ACO1: variants seen among roughly 807,000 people sequenced by gnomAD.
The protein encoded by ACO1 is aconitase 1.
In ACO1, 78 loss-of-function variants were observed where a neutral mutation model predicts 105.1. The ratio of observed to expected loss-of-function variants is 0.74; its 90% CI spans 0.62 to 0.90. The LOEUF (loss-of-function observed/expected upper bound fraction) is 0.90, where lower values mean the gene tolerates loss of function less well. ACO1 is among the 40% of genes least tolerant of loss of function. The probability of loss-of-function intolerance (pLI) is 0.00; values close to 1 mark genes in which losing one functional copy is unlikely to be tolerated. For synonymous variants in ACO1, 364 were observed against 397.4 expected (o/e 0.92, Z 1.00); for missense variants, 965 against 1,111.1 (o/e 0.87, Z 1.87).
At chr9:32,435,121 T>A (rs1009962554) in intron 17 of ACO1, among the ~76,000 whole-genome samples, 1 of 152,186 alleles carries the variant, frequency 6.6e-6, no homozygotes, top group African/African-American at 2.4e-5. Context: ...CATCTGTTTA[T>A]CAGTTCTTCA....
At chr9:32,428,860 G>C (rs1822162088) in intron 12 of ACO1, among the ~76,000 whole-genome samples, 1 of 151,516 alleles carries the variant, frequency 6.6e-6, no homozygotes, top group East Asian at 1.9e-4. Flanking sequence ...AAAAAAGTCA[G>C]CGTGAGTTTG....
chr9:32,416,891 C>T (rs549026148), intron 4 of ACO1, among the ~76,000 whole-genome samples: 2 of 152,314 alleles, frequency 1.3e-5, no homozygotes, highest in South Asian at 2.1e-4. Flanking sequence ...GTAGTATTTA[C>T]ATGAGGGGTT....
intron 19 of ACO1, among the ~76,000 whole-genome samples, chr9:32,444,011 C>T (rs1822542836): frequency 1.3e-5 from 2 of 151,964 alleles, no homozygotes; most frequent in Admixed American, 6.6e-5. Context: ...TGATGTTCCC[C>T]TCCCTGTGTT....
At chr9:32,395,651 GGCCGGGTCAGAT>G (rs1016072502) in intron 1 of ACO1, among the ~76,000 whole-genome samples, 1 of 152,154 alleles carries the variant, frequency 6.6e-6, no homozygotes, top group African/African-American at 2.4e-5. Context: ...TCAGGCTCAG[GGCCGGGTCAGAT>G]GCCGGGTTCT....
rs375208658 is a variant in ACO1, at chr9:32,446,739, T to C, written c.2371-2157T>C. On this transcript the variant is annotated intron_variant, in intron 19 of 20. Transcript: ENST00000309951. ...GACTGGTATCGGTTTTTCCTTTCCA[T>C]GTTCATTGCTTTCCTCAGGAGCTCT... Among the ~76,000 whole-genome samples the C allele has an allele frequency of 7.5e-4, 114 of 152,360 alleles. 1 individual carries two copies. Among genetic ancestry groups the C allele is most frequent in the African/African-American group, 2.7e-3 (113 of 41,584 alleles).
intron 20 of ACO1, 85 bp downstream of exon 20, chr9:32,449,166 G>A (rs1822698179): frequency 1.5e-6 from 2 of 1,359,728 alleles, no homozygotes; most frequent in Admixed American, 2.6e-5. Context: ...AATTAGTGAG[G>A]TTTAGAAGGC....
chr9:32,385,166 G>C (rs955881595), intron 1 of ACO1, among the ~76,000 whole-genome samples: 17 of 152,214 alleles, frequency 1.1e-4, no homozygotes, highest in Admixed American at 9.8e-4. Context: ...CCACTCCAAG[G>C]GGTAAAGGGA....
At position 32,430,548 on chromosome 9, in the gene ACO1, G is replaced by A. The variant is rs747163796; in HGVS notation, c.1700G>A (p.Arg567Lys). Residue 567 changes from arginine to lysine, a missense_variant, in exon 14 of 21, where the codon AGA (arginine) becomes AAA (lysine). Coordinates refer to ENST00000309951, the MANE Select transcript of ACO1 (RefSeq NM_002197.3). ...VIAYAIAGTI[R>K]IDFEKEPLGV... ...GCATATGCAATTGCTGGAACCATCA[G>A]AATCGACTTTGAGAAAGAGCCATTG... 6.2e-7 allele frequency: 1 copy of A among 1,606,744 alleles called. No homozygotes were observed. Among genetic ancestry groups the A allele is most frequent in the Non-Finnish European group, 8.5e-7 (1 of 1,177,034 alleles).
chr9:32,429,337 T>A (rs1822173475), intron 12 of ACO1, 82 bp from the exon 13 acceptor site: 1 of 1,285,582 alleles, frequency 7.8e-7, no homozygotes, highest in African/African-American at 1.5e-5. Context: ...TGAACAGTGG[T>A]CTCTGGAAAC....
At position 32,425,912 on chromosome 9, in the gene ACO1, A is replaced by G. The variant is rs3780473; in HGVS notation, c.1263A>G (p.Glu421=). 0.35 allele frequency: 563,795 copies of G among 1,612,936 alleles called. 100,381 individuals carry two copies. Among genetic ancestry groups the G allele is most frequent in the East Asian group, 0.51 (23,043 of 44,846 alleles). The change falls in exon 11 of 21, where the codon GAA becomes GAG. Residue 421 remains glutamate, a synonymous_variant. Transcript: ENST00000309951. Reference sequence around the variant, plus strand: ...AGACCTTTATCTATGATAACACTGAATTCACCCTTGCTCATGGTTCTGTGG... The same window carrying G: ...AGACCTTTATCTATGATAACACTGAGTTCACCCTTGCTCATGGTTCTGTGG... ...DHKTFIYDNT[E]FTLAHGSVVI...
intron 4 of ACO1, among the ~76,000 whole-genome samples, chr9:32,411,697 A>G (rs1821742419): frequency 3.9e-5 from 6 of 152,182 alleles, no homozygotes; most frequent in Admixed American, 3.9e-4. Context: ...TCTTATCAAT[A>G]TAGTTGAGAT....
At chr9:32,441,118 C>T (rs1716126973) in intron 19 of ACO1, among the ~76,000 whole-genome samples, 1 of 152,160 alleles carries the variant, frequency 6.6e-6, no homozygotes, top group Admixed American at 6.5e-5. Context: ...TTTATAATTG[C>T]ACTTCACTGC....
intron 19 of ACO1, among the ~76,000 whole-genome samples, chr9:32,446,347 G>T (rs1233308099): frequency 6.6e-6 from 1 of 152,046 alleles, no homozygotes; most frequent in Non-Finnish European, 1.5e-5. Context: ...TTATGTAATG[G>T]CCTTGTCTCT....
chr9:32,385,279 C>T (rs1821134404), intron 1 of ACO1, among the ~76,000 whole-genome samples: 1 of 152,164 alleles, frequency 6.6e-6, no homozygotes, highest in African/African-American at 2.4e-5. Flanking sequence ...CAGTTATGAC[C>T]AAGTCATTTT....
chr9:32,452,195 C>A lies in ACO1; in HGVS notation c.*2084C>A, dbSNP rs1822783050. ...AAAACAGACCTCCACCCTCTCAGCTCTCCATTACTGAGCAGCTGGGGAGCT... is the reference window on the plus strand; with the variant it reads ...AAAACAGACCTCCACCCTCTCAGCTATCCATTACTGAGCAGCTGGGGAGCT... On this transcript the variant is annotated 3_prime_UTR_variant, in exon 21 of 21. Transcript: ENST00000309951. 6.6e-6 allele frequency: 1 copy of A among 152,252 alleles called. No homozygotes were observed. Among genetic ancestry groups the A allele is most frequent in the African/African-American group, 2.4e-5 (1 of 41,462 alleles). 9.4% of individuals were successfully genotyped at this position (152,252 alleles called of 1,614,324 possible). A position where few individuals can be genotyped will look rare whatever the true frequency, so the allele number is the denominator to read the frequency against.
At chr9:32,449,904 G>T in intron 20 of ACO1, 94 bp from the exon 21 acceptor site, 1 of 910,728 alleles carries the variant, frequency 1.1e-6, no homozygotes, top group South Asian at 1.5e-5. Context: ...CTGAAGTGTG[G>T]ACCACACCTG....
At chr9:32,391,510 T>C (rs908870922) in intron 1 of ACO1, among the ~76,000 whole-genome samples, 1 of 152,230 alleles carries the variant, frequency 6.6e-6, no homozygotes, top group African/African-American at 2.4e-5. Flanking sequence ...CCACCTTAGA[T>C]GAATTAGTAA....
chr9:32,402,763 G>C (rs7028085), intron 1 of ACO1, among the ~76,000 whole-genome samples: 120,007 of 152,126 alleles, frequency 0.79, 47,977 homozygotes, highest in Middle Eastern at 0.91. Context: ...TTTTGGCTTT[G>C]TCTTGGAGTT....
rs1046762828 is a variant in ACO1 at position 32,439,370 on chromosome 9, G to A, written c.2248-1095G>A. ...CTATCCGGGTTTAGGTAATGCATGC[G>A]AAATTAACCACAGGTTCCATCAGTA... On this transcript the variant is annotated intron_variant, in intron 18 of 20. Transcript: ENST00000309951. This position sits in a 1 kb window ranked among gnomAD's most constrained non-coding sequence, Gnocchi z 4.0. Among the ~76,000 whole-genome samples the A allele has an allele frequency of 2.6e-5, 4 of 152,260 alleles. No homozygotes were observed. Among genetic ancestry groups the A allele is most frequent in the Admixed American group, 1.3e-4 (2 of 15,300 alleles).
Sources: gnomAD v4.1 joint callset for allele counts (sites outside exome capture counted in the v4.1 genomes callset) on GRCh38, gnomAD v4.1.1 for gene constraint, Gnocchi (gnomAD v3.1) non-coding constraint, MANE v1.5 for transcripts, NCBI Gene and HGNC (gene_info 2026-07-23, HGNC 2026-07-21) for gene names.